The following MCF2L variants were observed in gnomAD, a reference collection of about 807,000 sequenced individuals.
MCF2L encodes the protein guanine nucleotide exchange factor DBS.
In MCF2L, 97 loss-of-function variants were observed where a neutral mutation model predicts 153.4. That is an observed-to-expected ratio of 0.63 (90% CI 0.54 to 0.75). The LOEUF is 0.75. Ranked by LOEUF, MCF2L falls within the 30% of genes least tolerant of loss-of-function variation. The pLI is 0.00. For synonymous variants in MCF2L, 659 were observed against 632.2 expected (o/e 1.04, Z -0.64); for missense variants, 1,347 against 1,495.2 (o/e 0.90, Z 1.64).
At chr13:113,078,298 G>A in intron 13 of MCF2L, 65 bp from the exon 14 acceptor site, 1 of 1,334,798 alleles carries the variant, frequency 7.5e-7, no homozygotes, top group Non-Finnish European at 1.1e-6. Flanking sequence ...TTTCCCGCTG[G>A]GTGCACTTCC....
At chr13:112,909,183 C>G in intron 2 of MCF2L, 1 of 777,746 alleles carries the variant, frequency 1.3e-6, no homozygotes, top group Non-Finnish European at 2.4e-6. Context: ...AAAACACTGC[C>G]TGTTCCCGAG....
Position 113,086,743 on chromosome 13 carries a change from G to GTT in MCF2L, c.2374-483_2374-482dup, listed in dbSNP as rs11374321. Reference sequence around the variant, plus strand: ...GTCCACCCAGCACTCATTCTCAGGTGTTTTTTTTTTAACTAATAGAGTTGA... The same window carrying GTT: ...GTCCACCCAGCACTCATTCTCAGGTGTTTTTTTTTTTTAACTAATAGAGTTGA... On this transcript the variant is annotated intron_variant, in intron 21 of 29. Coordinates refer to ENST00000535094, the MANE Select transcript of MCF2L (RefSeq NM_001112732.3). Among the ~76,000 whole-genome samples, 550 of 149,342 alleles carry GTT rather than the reference G, an allele frequency of 3.7e-3. 1 individual carries two copies. The highest frequency in any genetic ancestry group is 0.011 in the South Asian group (53 of 4,654).
rs757764418 is a variant in MCF2L, at chr13:113,088,297, C to T, written c.2689-30C>T. ...GTGTTTCCTCGGGGGCCTGAGTACT[C>T]ACCTCCTGGCGTTTCTTTTGGGGAA... On this transcript the variant is annotated intron_variant, in intron 23 of 29. Coordinates refer to ENST00000535094, the MANE Select transcript of MCF2L (RefSeq NM_001112732.3). 34 of 1,588,644 alleles carry T rather than the reference C, an allele frequency of 2.1e-5. 1 individual carries two copies. Among genetic ancestry groups the T allele is most frequent in the Non-Finnish European group, 2.9e-5 (33 of 1,157,256 alleles).
intron 1 of MCF2L, among the ~76,000 whole-genome samples, chr13:112,994,740 C>T (rs2083049438): frequency 6.6e-6 from 1 of 152,288 alleles, no homozygotes; most frequent in Admixed American, 6.5e-5. Context: ...TGCCTGGGGT[C>T]GCCGCTGCGG....
At chr13:113,007,224 G>A (rs2083763966) in intron 1 of MCF2L, among the ~76,000 whole-genome samples, 1 of 152,190 alleles carries the variant, frequency 6.6e-6, no homozygotes, top group Non-Finnish European at 1.5e-5. Flanking sequence ...GGATGCTGAG[G>A]CCCACCTGGC....
At chr13:113,001,083 G>T (rs1243960286) in intron 1 of MCF2L, among the ~76,000 whole-genome samples, 1 of 152,190 alleles carries the variant, frequency 6.6e-6, no homozygotes, top group Non-Finnish European at 1.5e-5. Flanking sequence ...GAGTTTGAAC[G>T]AGCTCTCTGT....
At chr13:112,927,497 C>CA (rs989135482) in intron 2 of MCF2L, among the ~76,000 whole-genome samples, 3 of 151,974 alleles carry the variant, frequency 2.0e-5, no homozygotes, top group Non-Finnish European at 4.4e-5. Flanking sequence ...AAAATGTTTC[C>CA]AACGAGCCTA....
Position 113,058,495 on chromosome 13 carries a change from TG to T in MCF2L, c.370-2097del, listed in dbSNP as rs1262726982. On this transcript the variant is annotated intron_variant, in intron 4 of 29. Coordinates refer to ENST00000535094, the MANE Select transcript of MCF2L (RefSeq NM_001112732.3). Reference sequence around the variant, plus strand: ...GCTTAGGTGCTGTGTGTTTGGGTGCTGAGTGGTGGGAGCTGAGTGTTTGGAT... The same window carrying T: ...GCTTAGGTGCTGTGTGTTTGGGTGCTAGTGGTGGGAGCTGAGTGTTTGGAT... 6.0e-5 allele frequency among the ~76,000 whole-genome samples: 9 copies of T among 150,710 alleles called. No individual in the cohort carries two copies. The East Asian group carries it at 1.8e-3, about 30-fold the overall frequency.
At chr13:112,914,208 C>T (rs114928544) in intron 2 of MCF2L, among the ~76,000 whole-genome samples, 1,948 of 152,324 alleles carry the variant, frequency 0.013, 37 homozygotes, top group African/African-American at 0.044. Flanking sequence ...GGACCTGGTG[C>T]GTCCCCCAAG....
Position 113,024,693 on chromosome 13 carries a change from G to C in MCF2L, c.213G>C (p.Pro71=), listed in dbSNP as rs1291958575. 1.5e-5 allele frequency: 25 copies of C among 1,614,194 alleles called. No homozygotes were observed. Among genetic ancestry groups the C allele is most frequent in the Non-Finnish European group, 1.9e-5 (23 of 1,180,042 alleles). Residue 71 remains proline (P), a synonymous_variant, in exon 3 of 30, where the codon CCG becomes CCC. Coordinates refer to ENST00000535094, the MANE Select transcript of MCF2L (RefSeq NM_001112732.3). The part of the protein sequence containing the change: ...GSPVITFPDY[P]AFSEIPDKEF... ...CGGTTATCACCTTCCCTGACTACCC[G>C]GCCTTCAGCGAGATTCCGGACAAGG...
chr13:113,055,444 A>ACC (rs2087697838), intron 4 of MCF2L, among the ~76,000 whole-genome samples: 2 of 105,862 alleles, frequency 1.9e-5, no homozygotes, highest in Non-Finnish European at 3.6e-5. Context: ...ACACACACAC[A>ACC]CCTGGCTTCA....
intron 2 of MCF2L, among the ~76,000 whole-genome samples, chr13:112,905,311 A>G (rs1043518117): frequency 5.9e-5 from 9 of 152,034 alleles, no homozygotes; most frequent in African/African-American, 2.2e-4. Flanking sequence ...ATCTCAGCTG[A>G]TCCTGATTGG....
intron 1 of MCF2L, among the ~76,000 whole-genome samples, chr13:112,970,413 TTTTTAATGGGGGC>T (rs1342002293): frequency 4.6e-5 from 7 of 152,162 alleles, no homozygotes; most frequent in Admixed American, 3.9e-4. Flanking sequence ...AATCAAGATG[TTTTTAATGGGGGC>T]TTTTATGATC....
At chr13:113,036,885 T>A (rs1234085594) in intron 3 of MCF2L, among the ~76,000 whole-genome samples, 2 of 152,234 alleles carry the variant, frequency 1.3e-5, no homozygotes, top group Non-Finnish European at 2.9e-5. Flanking sequence ...CAACCATGAA[T>A]TCCTAGGCCT....
At chr13:112,973,626 C>G (rs752831977) in intron 1 of MCF2L, among the ~76,000 whole-genome samples, 1 of 152,204 alleles carries the variant, frequency 6.6e-6, no homozygotes, top group East Asian at 1.9e-4. Flanking sequence ...AGTCTGACGC[C>G]CTCCATGCGA....
intron 2 of MCF2L, among the ~76,000 whole-genome samples, chr13:112,938,841 C>T (rs970844483): frequency 9.9e-5 from 15 of 151,822 alleles, no homozygotes; most frequent in Admixed American, 8.5e-4. Context: ...GCTGGGGCAA[C>T]TTGGAGGGCA....
chr13:112,971,151 A>G (rs962456392), intron 1 of MCF2L, among the ~76,000 whole-genome samples: 2 of 152,204 alleles, frequency 1.3e-5, no homozygotes, highest in African/African-American at 4.8e-5. Context: ...CTGTAAAACC[A>G]TCATGAGGGG....
rs1806318376 is a variant in MCF2L, at chr13:113,097,504, C to T, written c.*645C>T. ...AACGGATGGCACTCCCTGAAGCTCC[C>T]TGGTCACAGGTGGATGAAAACGTGT... is the stretch of plus-strand genomic sequence containing the variant. On this transcript the variant is annotated 3_prime_UTR_variant, in exon 30 of 30. Transcript: ENST00000535094. 1.3e-5 allele frequency: 2 copies of T among 152,214 alleles called. No individual in the cohort carries two copies. Among genetic ancestry groups the T allele is most frequent in the Non-Finnish European group, 2.9e-5 (2 of 68,038 alleles). 9.4% of individuals were successfully genotyped at this position (152,214 alleles called of 1,614,324 possible).
Position 113,070,068 on chromosome 13 carries a change from C to G in MCF2L, c.891C>G (p.Ala297=). 1.2e-6 allele frequency: 2 copies of G among 1,608,896 alleles called. No individual in the cohort carries two copies. Among genetic ancestry groups the G allele is most frequent in the Non-Finnish European group, 1.7e-6 (2 of 1,178,094 alleles). Reference sequence around the variant, plus strand: ...TCCTCCTCTTTCCCAGGCTCCTGGCCCAGCTGAACGAAACCGAGGCTGCCT... The same window carrying G: ...TCCTCCTCTTTCCCAGGCTCCTGGCGCAGCTGAACGAAACCGAGGCTGCCT... ...DNQATVQRLL[A]QLNETEAAFD... Residue 297 remains alanine (A), a synonymous_variant, in exon 9 of 30, where the codon GCC becomes GCG. Coordinates refer to ENST00000535094, the MANE Select transcript of MCF2L (RefSeq NM_001112732.3). This position sits in a 1 kb window ranked among gnomAD's most constrained non-coding sequence, Gnocchi z 5.6.
Sources: gnomAD v4.1 joint callset for allele counts (sites outside exome capture counted in the v4.1 genomes callset) on GRCh38, gnomAD v4.1.1 for gene constraint, Gnocchi (gnomAD v3.1) non-coding constraint, MANE v1.5 for transcripts, NCBI Gene and HGNC (gene_info 2026-07-23, HGNC 2026-07-21) for gene names.